Variants in TNRC18 observed in about 807,000 individuals in gnomAD.
TNRC18 encodes the protein trinucleotide repeat containing 18.
A neutral mutation model predicts 226.7 loss-of-function variants in TNRC18; 69 were observed. That is an observed-to-expected ratio of 0.30 (90% CI 0.25 to 0.37). The LOEUF is 0.37. TNRC18 is among the 10% of genes least tolerant of loss of function. The pLI is 1.00. For synonymous variants in TNRC18, 2,449 were observed against 1,927.6 expected (o/e 1.27, Z -7.09); for missense variants, 4,754 against 4,256.6 (o/e 1.12, Z -3.25).
intron 2 of TNRC18, among the ~76,000 whole-genome samples, chr7:5,416,363 C>T (rs1182113082): frequency 2.0e-5 from 3 of 151,384 alleles, no homozygotes; most frequent in African/African-American, 7.3e-5. Context: ...TGCAGTGAGC[C>T]GAGATGGAGC....
chr7:5,308,353 A>G (rs898663717), intron 29 of TNRC18, 41 bp from the exon 30 acceptor site: 52 of 1,550,994 alleles, frequency 3.4e-5, no homozygotes, highest in Non-Finnish European at 4.5e-5. Flanking sequence ...GGTGGGGGGC[A>G]CAGAGGCCGA....
At chr7:5,323,898 A>G (rs1403247322) in intron 21 of TNRC18, among the ~76,000 whole-genome samples, 6 of 152,236 alleles carry the variant, frequency 3.9e-5, no homozygotes, top group Non-Finnish European at 5.9e-5. Flanking sequence ...CAATCTGACC[A>G]TATCACATCC....
In TNRC18 at chr7:5,370,576, C is replaced by T. The variant is rs752504603; in HGVS notation, c.4018G>A (p.Ala1340Thr). The change falls in exon 11 of 30, where the codon GCT becomes ACT. Residue 1340 changes from alanine to threonine, a missense_variant. Ala to Thr is a moderately conservative substitution (Grantham distance 58). Transcript: ENST00000430969. ...GCTGCCGCCAGGGCGTTCATGCCAG[C>T]CAGTGGGTCCTCCAGACTGGGCAGG... ...QFLPSLEDPL[A>T]GMNALAAAAE... The T allele has an allele frequency of 6.2e-7, 1 of 1,612,874 alleles. No individual in the cohort carries two copies. The highest frequency in any genetic ancestry group is 1.1e-5 in the South Asian group (1 of 90,852).
At chr7:5,416,826 A>G (rs962695660) in intron 2 of TNRC18, among the ~76,000 whole-genome samples, 11 of 151,928 alleles carry the variant, frequency 7.2e-5, no homozygotes, top group African/African-American at 2.4e-4. Flanking sequence ...CCCCGTCTCT[A>G]TAGAAAATTT....
At chr7:5,317,878 T>C (rs1788011446) in intron 24 of TNRC18, among the ~76,000 whole-genome samples, 1 of 151,890 alleles carries the variant, frequency 6.6e-6, no homozygotes, top group East Asian at 1.9e-4. Context: ...GATAATAATT[T>C]TTTTTTTTTG....
At chr7:5,361,235 G>C (rs979379261) in intron 14 of TNRC18, among the ~76,000 whole-genome samples, 1 of 152,214 alleles carries the variant, frequency 6.6e-6, no homozygotes, top group Non-Finnish European at 1.5e-5. Context: ...GTCATAGCCC[G>C]TCCCAACAAG....
Position 5,345,736 on chromosome 7 carries a change from G to T in TNRC18, c.5545C>A (p.Leu1849Met), listed in dbSNP as rs1268544028. The change falls in exon 18 of 30, where the codon CTG becomes ATG. Residue 1849 changes from leucine (L) to methionine (M), a missense_variant. Physicochemically the swap from Leu to Met is conservative, Grantham distance 15. Coordinates refer to ENST00000430969, the MANE Select transcript of TNRC18 (RefSeq NM_001080495.3). ...EDEASGGGYR[L>M]GARERALSPG... The stretch of plus-strand genomic sequence containing the variant: ...GACAGGGCCCGCTCCCGGGCACCCA[G>T]CCTGTAGCCACCACCGCTGGCCTCG... The T allele has an allele frequency of 2.6e-6, 4 of 1,548,572 alleles. No homozygotes were observed. The South Asian group carries it at 3.6e-5, about 14-fold the overall frequency.
At chr7:5,356,473 G>A (rs1000146322) in intron 16 of TNRC18, among the ~76,000 whole-genome samples, 5 of 152,232 alleles carry the variant, frequency 3.3e-5, no homozygotes, top group Non-Finnish European at 7.3e-5. Flanking sequence ...CGCAACAGAC[G>A]GCATGCTTCC....
In TNRC18 at chr7:5,325,095, C is replaced by T. The variant is rs1159608553; in HGVS notation, c.6300+1G>A. 6.5e-7 allele frequency: 1 copy of T among 1,549,962 alleles called. No individual in the cohort carries two copies. Among genetic ancestry groups the T allele is most frequent in the Admixed American group, 2.0e-5 (1 of 51,012 alleles). ...CCCAACCAGGGCACGGTGAGCCTCA[C>T]CTCCTTCTTCACCTCCTTCCCTTTG... On this transcript the variant is annotated splice_donor_variant, in intron 20 of 29. Coordinates refer to ENST00000430969, the MANE Select transcript of TNRC18 (RefSeq NM_001080495.3). LOFTEE classifies it high-confidence loss of function.
chr7:5,371,161 G>A lies in TNRC18; in HGVS notation c.3433C>T (p.Arg1145Trp), dbSNP rs374367634. ...LSPSKITEPLREGPEEEPLAE... is the reference protein window; with the variant it reads ...LSPSKITEPLWEGPEEEPLAE... ...AGCGGTTCTTCCTCCGGGCCCTCCCGCAGCGGCTCTGTGATCTTGGAGGGG... is the reference window on the plus strand; with the variant it reads ...AGCGGTTCTTCCTCCGGGCCCTCCCACAGCGGCTCTGTGATCTTGGAGGGG... Residue 1145 changes from arginine (R) to tryptophan (W), a missense_variant, in exon 11 of 30, where the codon CGG (arginine) becomes TGG (tryptophan). By Grantham distance (101) the Arg-to-Trp change is moderately radical. Coordinates refer to ENST00000430969, the MANE Select transcript of TNRC18 (RefSeq NM_001080495.3). 2.0e-5 allele frequency: 32 copies of A among 1,607,916 alleles called. No homozygotes were observed. The highest frequency in any genetic ancestry group is 3.3e-5 in the South Asian group (3 of 90,772).
intron 18 of TNRC18, among the ~76,000 whole-genome samples, chr7:5,333,452 G>A (rs57158114): frequency 0.12 from 18,234 of 152,194 alleles, 1,710 homozygotes; most frequent in East Asian, 0.55. Context: ...AGCCCCGCTC[G>A]CCTTCTCTCC....
rs773186697 is a variant in TNRC18, at chr7:5,351,935, G to C, written c.5354C>G (p.Pro1785Arg). The change falls in exon 17 of 30, where the codon CCC (proline) becomes CGC (arginine). Residue 1785 changes from proline to arginine, a missense_variant. By Grantham distance (103) the Pro-to-Arg change is moderately radical. Transcript: ENST00000430969. ...PKLTKRGLAA[P>R]RTLKPKPATS... ...GGCCGGCTTGGGTTTCAGAGTCCGG[G>C]GGGCCGCCAGGCCCCTCTTGGTCAG... 2.5e-6 allele frequency: 4 copies of C among 1,613,816 alleles called. No homozygotes were observed. In the Admixed American group the frequency reaches 5.0e-5, roughly 20 times the overall value.
At chr7:5,421,961 G>C (rs769613210) in intron 1 of TNRC18, among the ~76,000 whole-genome samples, 4 of 152,180 alleles carry the variant, frequency 2.6e-5, no homozygotes, top group Non-Finnish European at 5.9e-5. Flanking sequence ...TAACCTTTTG[G>C]AGACCTCGCC....
At chr7:5,351,709 C>A (rs1467932466) in intron 17 of TNRC18, 110 bp downstream of exon 17, 2 of 1,277,814 alleles carry the variant, frequency 1.6e-6, no homozygotes, top group East Asian at 2.6e-5. Context: ...TCCGCACGGG[C>A]CTCCTCACCC....
In TNRC18 at chr7:5,389,268, G is replaced by T; in HGVS notation, c.556C>A (p.Pro186Thr). ...GCGCCCGAGGAGTGGCCGCCGCCAG[G>T]GGTCCGGGCCGAGGGCGCGTGAGAG... is the stretch of plus-strand genomic sequence containing the variant. ...LHSHAPSART[P>T]GGGHSSGAPA... The change falls in exon 5 of 30, where the codon CCT becomes ACT. Residue 186 changes from proline to threonine, a missense_variant. By Grantham distance (38) the Pro-to-Thr change is conservative. Coordinates refer to ENST00000430969, the MANE Select transcript of TNRC18 (RefSeq NM_001080495.3). 1.5e-6 allele frequency: 2 copies of T among 1,301,808 alleles called. No homozygotes were observed. 80.6% of individuals were successfully genotyped at this position (1,301,808 alleles called of 1,614,324 possible).
rs1787575096 is a variant in TNRC18 at position 5,313,925 on chromosome 7, T to A, written c.7028-62A>T. The A allele has an allele frequency of 1.1e-5, 15 of 1,393,578 alleles. No individual in the cohort carries two copies. In the Admixed American group the frequency reaches 3.7e-4, roughly 35 times the overall value. The allele number at this position is 1,393,578 out of a possible 1,614,324, so 86.3% of individuals were successfully genotyped here. A position where few individuals can be genotyped will look rare whatever the true frequency, so the allele number is the denominator to read the frequency against. On this transcript the variant is annotated intron_variant, in intron 26 of 29. Coordinates refer to ENST00000430969, the MANE Select transcript of TNRC18 (RefSeq NM_001080495.3). ...CTTCCTGGCAGAGATGAGCTGTGGCTTTTATCAGAAAGGCCTGCTTCTGTG... is the reference window on the plus strand; with the variant it reads ...CTTCCTGGCAGAGATGAGCTGTGGCATTTATCAGAAAGGCCTGCTTCTGTG...
intron 3 of TNRC18, 99 bp from the exon 4 acceptor site, chr7:5,390,727 G>C: frequency 7.3e-7 from 1 of 1,372,776 alleles, no homozygotes. Flanking sequence ...GCAGCCGACC[G>C]CTGGTACAGG....
chr7:5,339,760 G>T (rs1790500477), intron 18 of TNRC18, among the ~76,000 whole-genome samples: 1 of 151,290 alleles, frequency 6.6e-6, no homozygotes, highest in Non-Finnish European at 1.5e-5. Context: ...AGTAGAGATG[G>T]GGTTTCATCG....
intron 2 of TNRC18, among the ~76,000 whole-genome samples, chr7:5,409,629 C>T (rs1165731797): frequency 1.3e-5 from 2 of 151,492 alleles, no homozygotes; most frequent in Non-Finnish European, 2.9e-5. Flanking sequence ...TAGAAGATAC[C>T]ATTAAGAAAA....
Sources: gnomAD v4.1 joint callset for allele counts (sites outside exome capture counted in the v4.1 genomes callset) on GRCh38, gnomAD v4.1.1 for gene constraint, MANE v1.5 for transcripts, NCBI Gene and HGNC (gene_info 2026-07-23, HGNC 2026-07-21) for gene names.